TRPM2: variants seen among roughly 807,000 people sequenced by gnomAD.
TRPM2 encodes the protein transient receptor potential cation channel subfamily M member 2.
Under a neutral mutation model 174.0 loss-of-function variants are expected in TRPM2, and 161 were observed. The ratio of observed to expected loss-of-function variants is 0.93; its 90% CI spans 0.81 to 1.05. TRPM2 has a LOEUF of 1.05. Ranked by LOEUF, TRPM2 falls within the 50% of genes least tolerant of loss-of-function variation. The pLI is 0.00. For synonymous variants in TRPM2, 954 were observed against 861.3 expected (o/e 1.11, Z -1.88); for missense variants, 2,057 against 2,038.0 (o/e 1.01, Z -0.18).
In TRPM2 at chr21:44,354,329, C is replaced by A. The variant is rs1018666709; in HGVS notation, c.166-319C>A. ...TTTTCCGATGGTGCAAGATCCAGGT[C>A]CCCAGATCCCCAGCCTCCACGTTTT... On this transcript the variant is annotated intron_variant, in intron 1 of 31. Transcript: ENST00000397928. The surrounding 1 kb of genome is among the most constrained non-coding windows in gnomAD (Gnocchi z 4.3). Among the ~76,000 whole-genome samples the A allele has an allele frequency of 6.6e-6, 1 of 152,152 alleles. No individual in the cohort carries two copies. Among genetic ancestry groups the A allele is most frequent in the African/African-American group, 2.4e-5 (1 of 41,424 alleles).
chr21:44,400,606 C>G (rs1445047021), intron 15 of TRPM2, among the ~76,000 whole-genome samples: 1 of 152,220 alleles, frequency 6.6e-6, no homozygotes, highest in Middle Eastern at 3.2e-3. Context: ...CTGATGAGCC[C>G]GTCCCTCAGC....
At chr21:44,394,270 A>G (rs1243657455) in intron 11 of TRPM2, among the ~76,000 whole-genome samples, 1 of 151,520 alleles carries the variant, frequency 6.6e-6, no homozygotes, top group Non-Finnish European at 1.5e-5. Context: ...TCCAAAGCAG[A>G]ATCTCAAGCT....
rs751242343 is a variant in TRPM2, at chr21:44,401,718, C to T, written c.2359C>T (p.Arg787Cys). 1.2e-5 allele frequency: 20 copies of T among 1,613,180 alleles called. No homozygotes were observed. Among genetic ancestry groups the T allele is most frequent in the African/African-American group, 9.3e-5 (7 of 74,924 alleles). Residue 787 changes from arginine (R) to cysteine (C), a missense_variant, in exon 16 of 32, where the codon CGC (arginine) becomes TGC (cysteine). Coordinates refer to ENST00000397928, the MANE Select transcript of TRPM2 (RefSeq NM_003307.4). ...GCAGGATGTGGGCACCCCCGCGGCC[C>T]GCGCCCGTGCCTTCTTCACCGCACC... ...RLQDVGTPAA[R>C]ARAFFTAPVV...
chr21:44,429,615 T>A (rs1422436346), intron 27 of TRPM2, among the ~76,000 whole-genome samples: 1 of 152,176 alleles, frequency 6.6e-6, no homozygotes, highest in Non-Finnish European at 1.5e-5. Flanking sequence ...TTTCAATTTT[T>A]AAAAATATAT....
rs991254622 is a variant in TRPM2 at position 44,425,551 on chromosome 21, C to T, written c.3638-119C>T. The T allele has an allele frequency of 3.9e-5, 49 of 1,262,898 alleles. No individual in the cohort carries two copies. The African/African-American group carries it at 6.7e-4, about 17-fold the overall frequency. 78.2% of individuals were successfully genotyped at this position (1,262,898 alleles called of 1,614,324 possible). A position where few individuals can be genotyped will look rare whatever the true frequency, so the allele number is the denominator to read the frequency against. Reference sequence around the variant, plus strand: ...TTCGACCTGCATGGCCATTTGGGCTCGGGGAGGTGGAGGAGCCCAGATGTT... The same window carrying T: ...TTCGACCTGCATGGCCATTTGGGCTTGGGGAGGTGGAGGAGCCCAGATGTT... On this transcript the variant is annotated intron_variant, in intron 24 of 31. Coordinates refer to ENST00000397928, the MANE Select transcript of TRPM2 (RefSeq NM_003307.4).
At chr21:44,436,604 C>T (rs1322217882) in intron 28 of TRPM2, among the ~76,000 whole-genome samples, 1 of 126,342 alleles carries the variant, frequency 7.9e-6, no homozygotes, top group East Asian at 2.5e-4. Context: ...CTGGGCTGCA[C>T]TCAGCACCCC....
intron 5 of TRPM2, among the ~76,000 whole-genome samples, chr21:44,374,848 G>C (rs11088949): frequency 0.17 from 25,396 of 152,102 alleles, 2,335 homozygotes; most frequent in Non-Finnish European, 0.2. Flanking sequence ...CCATGGCCCA[G>C]GGGGTGGGGG....
At position 44,401,704 on chromosome 21, in the gene TRPM2, G is replaced by A; in HGVS notation, c.2345G>A (p.Gly782Asp). 2 of 1,612,968 alleles carry A rather than the reference G, an allele frequency of 1.2e-6. No individual in the cohort carries two copies. Among genetic ancestry groups the A allele is most frequent in the Non-Finnish European group, 1.7e-6 (2 of 1,179,866 alleles). The stretch of plus-strand genomic sequence containing the variant: ...AGGGAGAAGAGGCTGCAGGATGTGG[G>A]CACCCCCGCGGCCCGCGCCCGTGCC... ...SFREKRLQDV[G>D]TPAARARAFF... The change falls in exon 16 of 32, where the codon GGC (glycine) becomes GAC (aspartate). Residue 782 changes from glycine to aspartate, a missense_variant. Gly to Asp is a moderately conservative substitution (Grantham distance 94). Transcript: ENST00000397928.
intron 15 of TRPM2, among the ~76,000 whole-genome samples, chr21:44,401,248 C>T (rs956522131): frequency 3.3e-5 from 5 of 152,286 alleles, no homozygotes; most frequent in Middle Eastern, 3.4e-3. Context: ...GTGGTCAGCC[C>T]CACCCCCATT....
intron 24 of TRPM2, 169 bp from the exon 25 acceptor site, chr21:44,425,501 G>C: frequency 1.4e-6 from 1 of 738,348 alleles, no homozygotes; most frequent in Non-Finnish European, 2.0e-6. Context: ...CCTCCCTGGG[G>C]GCCCTGCCCA....
At chr21:44,434,817 G>T (rs939345046) in intron 27 of TRPM2, among the ~76,000 whole-genome samples, 1 of 152,126 alleles carries the variant, frequency 6.6e-6, no homozygotes, top group Non-Finnish European at 1.5e-5. Flanking sequence ...CGAGCAGTCG[G>T]CCAGTTCCAT....
At chr21:44,384,487 A>G (rs1406270418) in intron 9 of TRPM2, among the ~76,000 whole-genome samples, 3 of 152,204 alleles carry the variant, frequency 2.0e-5, no homozygotes, top group Non-Finnish European at 4.4e-5. Context: ...CATGAAAGAG[A>G]GTAAGAAAGC....
chr21:44,402,194 G>T (rs1569068573), intron 16 of TRPM2, among the ~76,000 whole-genome samples: 1 of 152,166 alleles, frequency 6.6e-6, no homozygotes, highest in Non-Finnish European at 1.5e-5. Flanking sequence ...CTATGAGTAT[G>T]TCCCTTCCCC....
intron 2 of TRPM2, among the ~76,000 whole-genome samples, chr21:44,358,819 G>A (rs9974187): frequency 7.8e-4 from 118 of 152,054 alleles, no homozygotes; most frequent in Middle Eastern, 3.4e-3. Flanking sequence ...TCTTGGTCTC[G>A]CTGACTTCAA....
Position 44,399,581 on chromosome 21 carries a change from T to G in TRPM2, c.2208+140T>G. Reference sequence around the variant, plus strand: ...CAGCTCGGGGACAGCGCCTGACCCCTCGGCCACCTGCTCCAGGCTCTGGCC... The same window carrying G: ...CAGCTCGGGGACAGCGCCTGACCCCGCGGCCACCTGCTCCAGGCTCTGGCC... On this transcript the variant is annotated intron_variant, in intron 14 of 31. Coordinates refer to ENST00000397928, the MANE Select transcript of TRPM2 (RefSeq NM_003307.4). The surrounding 1 kb of genome is among the most constrained non-coding windows in gnomAD (Gnocchi z 4.6). The G allele has an allele frequency of 8.6e-7, 1 of 1,160,460 alleles. No individual in the cohort carries two copies. The highest frequency in any genetic ancestry group is 1.1e-6 in the Non-Finnish European group (1 of 870,340). The allele number at this position is 1,160,460 out of a possible 1,614,324, so 71.9% of individuals were successfully genotyped here. A position where few individuals can be genotyped will look rare whatever the true frequency, so the allele number is the denominator to read the frequency against.
At chr21:44,405,771 G>C (rs2049848327) in intron 17 of TRPM2, 134 bp from the exon 18 acceptor site, 2 of 1,074,398 alleles carry the variant, frequency 1.9e-6, no homozygotes, top group East Asian at 2.4e-5. Context: ...GAACACCTGG[G>C]ATGCAGGGCC....
chr21:44,351,048 G>A (rs2122996561), upstream of TRPM2, among the ~76,000 whole-genome samples: 6 of 152,240 alleles, frequency 3.9e-5, no homozygotes, highest in Admixed American at 1.3e-4. Flanking sequence ...ACGGTGTACC[G>A]AGGGAGTGCA....
chr21:44,426,488 A>AGCCCC (rs1174322646), intron 25 of TRPM2, among the ~76,000 whole-genome samples, 172 bp from the exon 26 acceptor site: 1 of 151,664 alleles, frequency 6.6e-6, no homozygotes, highest in Non-Finnish European at 1.5e-5. Context: ...GGCCCTGCCC[A>AGCCCC]GCCCCCAGCT....
chr21:44,413,490 G>A (rs1458251632), intron 19 of TRPM2, among the ~76,000 whole-genome samples: 5 of 152,200 alleles, frequency 3.3e-5, no homozygotes, highest in South Asian at 2.1e-4. Flanking sequence ...TGATCCGCCC[G>A]CCTTGGCCTC....
Sources: allele counts gnomAD v4.1 joint callset (sites outside exome capture counted in the v4.1 genomes callset), GRCh38; gene constraint gnomAD v4.1.1; non-coding constraint Gnocchi (gnomAD v3.1); transcripts MANE v1.5; gene names NCBI Gene and HGNC (gene_info 2026-07-23, HGNC 2026-07-21).